CYP3A5: variants seen among roughly 807,000 people sequenced by gnomAD.
The protein encoded by CYP3A5 is cytochrome P450 family 3 subfamily A member 5.
A neutral mutation model predicts 55.9 loss-of-function variants in CYP3A5; 51 were observed. That is an observed-to-expected ratio of 0.91 (90% CI 0.73 to 1.15). The LOEUF (loss-of-function observed/expected upper bound fraction) is 1.15. Among genes scored for constraint, CYP3A5 ranks in the 50% most tolerant of loss-of-function variants. The pLI is 0.00. For missense variants in CYP3A5, 533 were observed against 596.6 expected, an observed-to-expected ratio of 0.89 and a Z score of 1.11; for synonymous variants, 196 against 213.9, an observed-to-expected ratio of 0.92 and a Z score of 0.73.
At chr7:99,662,000 T>TA (rs1298790646) in intron 9 of CYP3A5, among the ~76,000 whole-genome samples, 1 of 152,234 alleles carries the variant, frequency 6.6e-6, no homozygotes, top group African/African-American at 2.4e-5. Flanking sequence ...AGTGAAATGA[T>TA]AGACTATTTT....
At chr7:99,677,871 T>G (rs1812442379) in intron 1 of CYP3A5, among the ~76,000 whole-genome samples, 1 of 152,200 alleles carries the variant, frequency 6.6e-6, no homozygotes, top group Non-Finnish European at 1.5e-5. Context: ...GCTATTGAGT[T>G]AATGTGTCAG....
intron 10 of CYP3A5, among the ~76,000 whole-genome samples, chr7:99,655,429 T>C (rs1584414219): frequency 6.6e-6 from 1 of 152,218 alleles, no homozygotes; most frequent in African/African-American, 2.4e-5. Context: ...TTCTGCTCCA[T>C]TGATCAATAT....
At chr7:99,676,425 G>C in intron 1 of CYP3A5, 1 of 1,483,886 alleles carries the variant, frequency 6.7e-7, no homozygotes, top group Non-Finnish European at 9.0e-7. Flanking sequence ...GCTGAAAGCA[G>C]CTGAAGTCTT....
intron 1 of CYP3A5, chr7:99,677,115 C>T: frequency 2.2e-6 from 2 of 925,776 alleles, no homozygotes; most frequent in Non-Finnish European, 2.6e-6. Flanking sequence ...CCCATTAAGC[C>T]TGGTGTTCAC....
intron 10 of CYP3A5, among the ~76,000 whole-genome samples, chr7:99,655,528 G>A (rs1809627122): frequency 1.3e-5 from 2 of 152,322 alleles, no homozygotes; most frequent in Middle Eastern, 6.8e-3. Flanking sequence ...CTCCGGCTTT[G>A]TTCTTTTGGC....
intron 10 of CYP3A5, chr7:99,660,163 G>T: frequency 1.1e-6 from 1 of 921,096 alleles, no homozygotes. Context: ...TGCTCACGCT[G>T]GGAGCTGTAG....
chr7:99,649,594 G>A (rs1254936020), intron 12 of CYP3A5, among the ~76,000 whole-genome samples: 1 of 152,164 alleles, frequency 6.6e-6, no homozygotes, highest in African/African-American at 2.4e-5. Context: ...ACAGAACCTA[G>A]TCACGCTCTG....
At chr7:99,648,517 T>G in intron 12 of CYP3A5, 117 bp from the exon 13 acceptor site, 1 of 680,720 alleles carries the variant, frequency 1.5e-6, no homozygotes, top group Non-Finnish European at 2.4e-6. Flanking sequence ...AAACGACTCT[T>G]AACACCATGT....
At chr7:99,677,668 G>A (rs2151463475) in intron 1 of CYP3A5, among the ~76,000 whole-genome samples, 1 of 152,326 alleles carries the variant, frequency 6.6e-6, no homozygotes, top group South Asian at 2.1e-4. Flanking sequence ...AGCATGAGCA[G>A]GCCCAGTCAT....
chr7:99,648,845 A>G (rs1808873200), intron 12 of CYP3A5, among the ~76,000 whole-genome samples: 1 of 152,188 alleles, frequency 6.6e-6, no homozygotes. Flanking sequence ...GGCAGTTTTC[A>G]ACTTCCAGAG....
chr7:99,676,291 G>C, intron 1 of CYP3A5, 83 bp from the exon 2 acceptor site: 2 of 1,599,052 alleles, frequency 1.3e-6, no homozygotes. Context: ...GAACTGGAAT[G>C]GTCAAGAGAG....
chr7:99,656,385 A>C (rs932463877), intron 10 of CYP3A5, among the ~76,000 whole-genome samples: 5 of 152,180 alleles, frequency 3.3e-5, no homozygotes, highest in Non-Finnish European at 7.3e-5. Flanking sequence ...GATTATGTTT[A>C]TTGATTTGCG....
intron 9 of CYP3A5, 83 bp from the exon 10 acceptor site, chr7:99,660,742 T>A: frequency 1.3e-6 from 2 of 1,502,992 alleles, no homozygotes; most frequent in Non-Finnish European, 1.8e-6. Flanking sequence ...TGAAGCTCTC[T>A]AATCCCAAGA....
intron 7 of CYP3A5, among the ~76,000 whole-genome samples, chr7:99,664,499 T>G (rs932073335): frequency 1.1e-4 from 17 of 152,276 alleles, no homozygotes; most frequent in Admixed American, 3.9e-4. Context: ...TTCCATGGAA[T>G]AAAACTAGAA....
chr7:99,667,543 C>T (rs971304160), intron 4 of CYP3A5, among the ~76,000 whole-genome samples: 1 of 152,080 alleles, frequency 6.6e-6, no homozygotes, highest in African/African-American at 2.4e-5. Flanking sequence ...GTAGGTAATA[C>T]TTAAAGACTA....
At chr7:99,657,462 G>T (rs900606417) in intron 10 of CYP3A5, among the ~76,000 whole-genome samples, 17 of 152,054 alleles carry the variant, frequency 1.1e-4, no homozygotes, top group Admixed American at 3.9e-4. Flanking sequence ...TTGTTATAAT[G>T]TCTGTTCTTT....
chr7:99,650,849 T>C (rs1809111854), intron 11 of CYP3A5, among the ~76,000 whole-genome samples: 1 of 152,234 alleles, frequency 6.6e-6, no homozygotes, highest in Non-Finnish European at 1.5e-5. Flanking sequence ...ATAAGTTACA[T>C]GGGCATATGA....
Position 99,674,605 on chromosome 7 carries a change from A to G in CYP3A5, c.166-20T>C. The G allele has an allele frequency of 6.2e-7, 1 of 1,604,454 alleles. No homozygotes were observed. Among genetic ancestry groups the G allele is most frequent in the Non-Finnish European group, 8.5e-7 (1 of 1,171,582 alleles). ...GAGACCCTGGGAGAGGAAACAAAAT[A>G]CAAGTTGATTATTATTTTAAATAGA... On this transcript the variant is annotated intron_variant, in intron 2 of 12. Transcript: ENST00000222982.
In CYP3A5 at chr7:99,653,450, C is replaced by CAAATAAATAAATAAATAAAT. The variant is rs3063934; in HGVS notation, c.1027-691_1027-672dup. 2.7e-4 allele frequency among the ~76,000 whole-genome samples: 39 copies of CAAATAAATAAATAAATAAAT among 145,492 alleles called. No individual in the cohort carries two copies. Among genetic ancestry groups the CAAATAAATAAATAAATAAAT allele is most frequent in the African/African-American group, 8.4e-4 (33 of 39,124 alleles). On this transcript the variant is annotated intron_variant, in intron 10 of 12. Transcript: ENST00000222982. The surrounding 1 kb of genome is among the most constrained non-coding windows in gnomAD (Gnocchi z 4.2). ...TGGGTCGTAGAGTCAGACCCTGTCTCAAATAAATAAATAAATAAATAAATA... is the reference window on the plus strand; with the variant it reads ...TGGGTCGTAGAGTCAGACCCTGTCTCAAATAAATAAATAAATAAATAAATAAATAAATAAATAAATAAATA...
Sources: allele counts gnomAD v4.1 joint callset (sites outside exome capture counted in the v4.1 genomes callset), GRCh38; gene constraint gnomAD v4.1.1; non-coding constraint Gnocchi (gnomAD v3.1); transcripts MANE v1.5; gene names NCBI Gene and HGNC (gene_info 2026-07-23, HGNC 2026-07-21).